AGAP3: variants seen among roughly 807,000 people sequenced by gnomAD.
The protein encoded by AGAP3 is ArfGAP with GTPase domain, ankyrin repeat and PH domain 3, also known as arf-GAP with GTPase, ANK repeat and PH domain-containing protein 3.
In AGAP3, 24 loss-of-function variants were observed where a neutral mutation model predicts 96.9. The ratio of observed to expected loss-of-function variants is 0.25; its 90% CI spans 0.18 to 0.35. AGAP3 has a LOEUF of 0.35. Among genes scored for constraint, AGAP3 ranks in the 10% least tolerant of loss-of-function variants. The probability of loss-of-function intolerance (pLI) is 1.00; values close to 1 mark genes in which losing one functional copy is unlikely to be tolerated. For missense variants in AGAP3, 876 were observed against 1,254.2 expected, an observed-to-expected ratio of 0.70 and a Z score of 4.55; for synonymous variants, 563 against 536.1, an observed-to-expected ratio of 1.05 and a Z score of -0.69.
chr7:151,129,903 G>C (rs1031657296), intron 10 of AGAP3, among the ~76,000 whole-genome samples: 1 of 152,238 alleles, frequency 6.6e-6, no homozygotes, highest in Admixed American at 6.5e-5. Context: ...GGGAGCCCCA[G>C]TATTTCCCTG....
In AGAP3 at chr7:151,108,872, G is replaced by A. The variant is rs1016206724; in HGVS notation, c.332-7921G>A. ...AAAAGGAGAGGATGAACCAGAACAC[G>A]AGTTCTGAACCTGGAACCCATGGCA... On this transcript the variant is annotated intron_variant, in intron 1 of 17. Transcript: ENST00000397238. The surrounding 1 kb of genome is among the most constrained non-coding windows in gnomAD (Gnocchi z 4.2). Among the ~76,000 whole-genome samples the A allele has an allele frequency of 6.6e-6, 1 of 152,156 alleles. No individual in the cohort carries two copies. The highest frequency in any genetic ancestry group is 2.1e-4 in the South Asian group (1 of 4,824).
chr7:151,104,005 C>G (rs7806979), intron 1 of AGAP3, among the ~76,000 whole-genome samples: 125,676 of 152,140 alleles, frequency 0.83, 52,540 homozygotes, highest in East Asian at 0.97. Context: ...AGTGCCGTGG[C>G]GGGGGCGTGA....
At position 151,128,684 on chromosome 7, in the gene AGAP3, T is replaced by G; in HGVS notation, c.1326T>G (p.His442Gln). The change falls in exon 10 of 18, where the codon CAT becomes CAG. Residue 442 changes from histidine to glutamine, a missense_variant and splice_region_variant. His to Gln is a conservative substitution (Grantham distance 24). Transcript: ENST00000397238. The stretch of plus-strand genomic sequence containing the variant: ...TGCTCACCTATCACCCCAGCCTGCA[T>G]GTGAGTCTGGGAGGAGGAGCCTCCT... ...NGLLTYHPSLHDYMQNIHGKE... is the reference protein window; with the variant it reads ...NGLLTYHPSLQDYMQNIHGKE... 6.2e-7 allele frequency: 1 copy of G among 1,612,828 alleles called. No individual in the cohort carries two copies. The highest frequency in any genetic ancestry group is 8.5e-7 in the Non-Finnish European group (1 of 1,179,286).
intron 1 of AGAP3, chr7:151,115,516 C>A: frequency 1.9e-6 from 2 of 1,037,898 alleles, no homozygotes; most frequent in South Asian, 8.8e-5. Flanking sequence ...CCCGGCCGCC[C>A]CCGCACCGCC....
At chr7:151,104,637 C>T (rs190963800) in intron 1 of AGAP3, among the ~76,000 whole-genome samples, 202 of 152,268 alleles carry the variant, frequency 1.3e-3, no homozygotes, top group Non-Finnish European at 2.5e-3. Context: ...GAGCAGACTG[C>T]TGGCGCACAG....
Position 151,118,569 on chromosome 7 carries a change from G to A in AGAP3, c.906G>A (p.Leu302=). 2 of 1,614,072 alleles carry A rather than the reference G, an allele frequency of 1.2e-6. No individual in the cohort carries two copies. Among genetic ancestry groups the A allele is most frequent in the Non-Finnish European group, 1.7e-6 (2 of 1,180,032 alleles). The change falls in exon 7 of 18, where the codon CTG becomes CTA. Residue 302 remains leucine (L), a synonymous_variant. Transcript: ENST00000397238. The surrounding 1 kb of genome is among the most constrained non-coding windows in gnomAD (Gnocchi z 6.1). ...TGGCCATCGGGCCCTGCAAGTCACT[G>A]CCCAACTCGCCCAGCCACTCGGCCG... The part of the protein sequence containing the change: ...QQLAIGPCKS[L]PNSPSHSAVS...
In AGAP3 at chr7:151,114,766, TG is replaced by T; in HGVS notation, c.332-2026del. The T allele has an allele frequency of 9.8e-7, 1 of 1,021,408 alleles. No homozygotes were observed. The highest frequency in any genetic ancestry group is 1.2e-6 in the Non-Finnish European group (1 of 855,154). 63.3% of individuals were successfully genotyped at this position (1,021,408 alleles called of 1,614,324 possible). ...GGGCCTGGCCCGCGCCCGCCGGCCC[TG>T]AGCATGGAGCGGGGCTGGCCGCAGG... On this transcript the variant is annotated intron_variant, in intron 1 of 17. Coordinates refer to ENST00000397238, the MANE Select transcript of AGAP3 (RefSeq NM_031946.7). The surrounding 1 kb of genome is among the most constrained non-coding windows in gnomAD (Gnocchi z 4.4).
intron 10 of AGAP3, 73 bp from the exon 11 acceptor site, chr7:151,134,327 G>A: frequency 6.5e-7 from 1 of 1,535,970 alleles, no homozygotes; most frequent in South Asian, 1.1e-5. Context: ...GAGAGACCTA[G>A]GAGTTGCAAG....
chr7:151,087,250 C>T (rs528052532), intron 1 of AGAP3, 178 bp downstream of exon 1: 4 of 675,764 alleles, frequency 5.9e-6, no homozygotes, highest in African/African-American at 5.4e-5. Context: ...TTCGCCATAT[C>T]TCGTTCGGGG....
At chr7:151,123,981 G>A in intron 9 of AGAP3, 95 bp downstream of exon 9, 1 of 1,291,584 alleles carries the variant, frequency 7.7e-7, no homozygotes, top group Admixed American at 1.9e-5. Flanking sequence ...TGTGATGGGG[G>A]AGATGGCATC....
intron 3 of AGAP3, 56 bp from the exon 4 acceptor site, chr7:151,117,315 C>T (rs996143969): frequency 1.5e-5 from 24 of 1,608,960 alleles, no homozygotes; most frequent in Middle Eastern, 1.7e-4. Flanking sequence ...TAGATTTCTT[C>T]TTGGCCCCTG....
Position 151,095,611 on chromosome 7 carries a change from GT to G in AGAP3, c.331+8544del, listed in dbSNP as rs1397586596. ...GATCCCCACCCCTTCCTGGGCCTGGGTTTTTCCAGGCACTGGTGGATGGCAC... is the reference window on the plus strand; with the variant it reads ...GATCCCCACCCCTTCCTGGGCCTGGGTTTTCCAGGCACTGGTGGATGGCAC... On this transcript the variant is annotated intron_variant, in intron 1 of 17. Transcript: ENST00000397238. 3.3e-5 allele frequency among the ~76,000 whole-genome samples: 5 copies of G among 149,364 alleles called. No individual in the cohort carries two copies. In the East Asian group the frequency reaches 1.0e-3, roughly 30 times the overall value.
At chr7:151,125,999 G>A (rs1018357809) in intron 9 of AGAP3, among the ~76,000 whole-genome samples, 1 of 150,624 alleles carries the variant, frequency 6.6e-6, no homozygotes, top group Non-Finnish European at 1.5e-5. Context: ...AGAGGGAGTG[G>A]GAAGAGGCAC....
intron 10 of AGAP3, among the ~76,000 whole-genome samples, chr7:151,129,166 G>T (rs1800302507): frequency 1.3e-5 from 2 of 152,096 alleles, no homozygotes; most frequent in African/African-American, 4.8e-5. Flanking sequence ...CAGCTGGGGG[G>T]TGTTGTGGTG....
intron 1 of AGAP3, among the ~76,000 whole-genome samples, chr7:151,100,388 G>C (rs1466422661): frequency 6.6e-6 from 1 of 152,212 alleles, no homozygotes; most frequent in East Asian, 1.9e-4. Context: ...TGTGGGTCCT[G>C]AGCCGTACAG....
At chr7:151,100,277 G>T (rs1449947831) in intron 1 of AGAP3, among the ~76,000 whole-genome samples, 1 of 152,148 alleles carries the variant, frequency 6.6e-6, no homozygotes, top group African/African-American at 2.4e-5. Context: ...ATCACATCCC[G>T]GGCTGGTTGT....
At chr7:151,130,365 G>A (rs1800356346) in intron 10 of AGAP3, among the ~76,000 whole-genome samples, 2 of 152,194 alleles carry the variant, frequency 1.3e-5, no homozygotes, top group Admixed American at 6.5e-5. Context: ...AGAGCTCAGG[G>A]GGGTTGGTGG....
intron 9 of AGAP3, 89 bp from the exon 10 acceptor site, chr7:151,128,491 G>T: frequency 9.7e-7 from 1 of 1,035,442 alleles, no homozygotes; most frequent in South Asian, 1.4e-5. Context: ...GGGGAGGGGG[G>T]AGGGCATTGC....
rs1468332873 is a variant in AGAP3, at chr7:151,117,739, A to G, written c.668A>G (p.Asn223Ser). Residue 223 changes from asparagine (N) to serine (S), a missense_variant, in exon 5 of 18, where the codon AAC becomes AGC. Asn to Ser is a conservative substitution (Grantham distance 46). Coordinates refer to ENST00000397238, the MANE Select transcript of AGAP3 (RefSeq NM_031946.7). The stretch of plus-strand genomic sequence containing the variant: ...TTCCTGCGTCTCTGCAGCTTCCGCA[A>G]CGCCAGCGAGGTGCCCATGGTGCTT... ...NYFLRLCSFRNASEVPMVLVG... is the reference protein window; with the variant it reads ...NYFLRLCSFRSASEVPMVLVG... 2 of 1,614,160 alleles carry G rather than the reference A, an allele frequency of 1.2e-6. No homozygotes were observed.
Sources: allele counts gnomAD v4.1 joint callset (sites outside exome capture counted in the v4.1 genomes callset), GRCh38; gene constraint gnomAD v4.1.1; non-coding constraint Gnocchi (gnomAD v3.1); transcripts MANE v1.5; gene names NCBI Gene and HGNC (gene_info 2026-07-23, HGNC 2026-07-21).